The following COL19A1 variants were observed in gnomAD, a reference collection of about 807,000 sequenced individuals.
COL19A1 encodes the protein collagen type XIX alpha 1 chain.
COL19A1 carries 159 observed loss-of-function variants against 190.2 expected under a neutral mutation model. The observed-to-expected ratio is 0.84, with a 90% CI of 0.73 to 0.95. The LOEUF is 0.95. COL19A1 is among the 40% of genes least tolerant of loss of function. COL19A1 has a pLI of 0.00. For synonymous variants in COL19A1, 509 were observed against 458.9 expected (o/e 1.11, Z -1.39); for missense variants, 1,418 against 1,431.9 (o/e 0.99, Z 0.16).
At chr6:70,058,283 T>C (rs554288696) in intron 14 of COL19A1, among the ~76,000 whole-genome samples, 24 of 152,190 alleles carry the variant, frequency 1.6e-4, no homozygotes, top group African/African-American at 5.3e-4. Flanking sequence ...CAGGTCTCCA[T>C]ATGAAATTGT....
At chr6:70,095,016 A>C (rs1230375643) in intron 15 of COL19A1, among the ~76,000 whole-genome samples, 1 of 152,214 alleles carries the variant, frequency 6.6e-6, no homozygotes, top group Non-Finnish European at 1.5e-5. Flanking sequence ...CACATAGTCC[A>C]AGCAACAGAA....
At chr6:70,109,542 G>GTGTGTA (rs1491140453) in intron 16 of COL19A1, among the ~76,000 whole-genome samples, 103 of 2,762 alleles carry the variant, frequency 0.037, no homozygotes, top group African/African-American at 0.18. Context: ...CGTTTTGTAA[G>GTGTGTA]TGTGTGTGTG....
intron 15 of COL19A1, among the ~76,000 whole-genome samples, chr6:70,084,465 T>C (rs1197307526): frequency 2.0e-5 from 3 of 152,190 alleles, no homozygotes; most frequent in Admixed American, 2.0e-4. Flanking sequence ...TTCTTTGAAA[T>C]ATTAACAAAT....
At chr6:70,081,360 C>T (rs1782241106) in intron 15 of COL19A1, among the ~76,000 whole-genome samples, 1 of 152,030 alleles carries the variant, frequency 6.6e-6, no homozygotes, top group African/African-American at 2.4e-5. Flanking sequence ...TCTTTCTTTA[C>T]CACATCATTT....
chr6:70,027,840 G>A (rs866431718), intron 12 of COL19A1, among the ~76,000 whole-genome samples: 1 of 152,234 alleles, frequency 6.6e-6, no homozygotes, highest in Middle Eastern at 3.4e-3. Context: ...AGACTTGAGA[G>A]AGAATAATAT....
chr6:70,010,209 TAAAC>T (rs1435051558), intron 11 of COL19A1, among the ~76,000 whole-genome samples: 1 of 152,162 alleles, frequency 6.6e-6, no homozygotes, highest in Non-Finnish European at 1.5e-5. Flanking sequence ...TAAATAGCTC[TAAAC>T]AAACAATCCA....
At chr6:70,182,444 TAC>T (rs1222182672) in intron 44 of COL19A1, among the ~76,000 whole-genome samples, 1 of 152,156 alleles carries the variant, frequency 6.6e-6, no homozygotes, top group African/African-American at 2.4e-5. Context: ...AGATGTCAAG[TAC>T]ACAGTGGAGA....
chr6:70,020,866 T>C lies in COL19A1; in HGVS notation c.1027-2761T>C, dbSNP rs76110740. ...CATAGTTGATAGATCAATAGATAAA[T>C]GTATAGAAGATAGATATTCATTGAA... is the stretch of plus-strand genomic sequence containing the variant. On this transcript the variant is annotated intron_variant, in intron 11 of 50. Coordinates refer to ENST00000620364, the MANE Select transcript of COL19A1 (RefSeq NM_001858.6). Among the ~76,000 whole-genome samples, 672 of 152,268 alleles carry C rather than the reference T, an allele frequency of 4.4e-3. 3 individuals carry two copies. Among genetic ancestry groups the C allele is most frequent in the African/African-American group, 0.015 (636 of 41,564 alleles).
chr6:70,057,942 C>T (rs139006448), intron 14 of COL19A1, among the ~76,000 whole-genome samples: 5 of 152,078 alleles, frequency 3.3e-5, no homozygotes, highest in African/African-American at 1.2e-4. Flanking sequence ...GGATAATATG[C>T]AGTATGGAAA....
At chr6:70,091,943 G>T (rs911363565) in intron 15 of COL19A1, among the ~76,000 whole-genome samples, 3 of 152,098 alleles carry the variant, frequency 2.0e-5, no homozygotes, top group African/African-American at 7.2e-5. Flanking sequence ...TTAAGGAAGC[G>T]AAAAGTAGTA....
At chr6:69,882,010 C>T (rs1347929318) in intron 2 of COL19A1, among the ~76,000 whole-genome samples, 1 of 152,090 alleles carries the variant, frequency 6.6e-6, no homozygotes, top group Non-Finnish European at 1.5e-5. Flanking sequence ...AACCATTTAC[C>T]GGAGGGAAGT....
intron 14 of COL19A1, chr6:70,059,659 G>T: frequency 2.9e-6 from 1 of 349,682 alleles, no homozygotes. Context: ...AGAGGTAACA[G>T]CCTTATGAAT....
chr6:70,084,709 C>CCAGAGG (rs1782479164), intron 15 of COL19A1, among the ~76,000 whole-genome samples: 1 of 152,162 alleles, frequency 6.6e-6, no homozygotes, highest in East Asian at 1.9e-4. Flanking sequence ...TAGAGATGCT[C>CCAGAGG]CCTCTGCTGT....
intron 17 of COL19A1, 143 bp from the exon 18 acceptor site, chr6:70,130,039 G>A: frequency 1.3e-6 from 1 of 752,970 alleles, no homozygotes; most frequent in South Asian, 1.9e-5. Context: ...AGGCGAGAGA[G>A]ACAAAGATGT....
At chr6:70,009,213 C>T (rs1168806548) in intron 11 of COL19A1, among the ~76,000 whole-genome samples, 1 of 151,860 alleles carries the variant, frequency 6.6e-6, no homozygotes, top group Admixed American at 6.6e-5. Context: ...GAAGAAAGCC[C>T]ATCTTTATTC....
chr6:70,088,139 G>A (rs185239516), intron 15 of COL19A1, among the ~76,000 whole-genome samples: 1 of 152,182 alleles, frequency 6.6e-6, no homozygotes, highest in Non-Finnish European at 1.5e-5. Flanking sequence ...TACCATACCT[G>A]CCCTCCAGAA....
chr6:70,149,804 A>G (rs763572028), intron 28 of COL19A1, 47 bp from the exon 29 acceptor site: 36 of 1,613,518 alleles, frequency 2.2e-5, no homozygotes, highest in Non-Finnish European at 3.1e-5. Context: ...GAAATGACTG[A>G]AAGACCATCC....
At chr6:69,921,528 AT>A (rs1350194067) in intron 4 of COL19A1, among the ~76,000 whole-genome samples, 9 of 136,222 alleles carry the variant, frequency 6.6e-5, no homozygotes, top group South Asian at 2.2e-4. Flanking sequence ...ATTCATATAT[AT>A]TCATGTATAT....
intron 9 of COL19A1, among the ~76,000 whole-genome samples, chr6:69,958,252 T>C (rs1436826164): frequency 1.3e-5 from 2 of 152,126 alleles, no homozygotes; most frequent in Non-Finnish European, 2.9e-5. Flanking sequence ...AAAAAGTATT[T>C]TTGGCAGTGT....
Sources: allele counts gnomAD v4.1 joint callset (sites outside exome capture counted in the v4.1 genomes callset), GRCh38; gene constraint gnomAD v4.1.1; transcripts MANE v1.5; gene names NCBI Gene and HGNC (gene_info 2026-07-23, HGNC 2026-07-21).